LRP1B: variants seen among roughly 807,000 people sequenced by gnomAD.
LRP1B encodes the protein low-density lipoprotein receptor-related protein 1B.
In LRP1B, 217 loss-of-function variants were observed where a neutral mutation model predicts 556.6. The observed-to-expected ratio is 0.39, with a 90% CI of 0.35 to 0.44. LRP1B has a LOEUF of 0.44. Among genes scored for constraint, LRP1B ranks in the 20% least tolerant of loss-of-function variants. The pLI, the probability that LRP1B is intolerant of heterozygous loss-of-function variation, is 1.00. For synonymous variants in LRP1B, 2,047 were observed against 1,865.8 expected, an observed-to-expected ratio of 1.10 and a Z score of -2.50; for missense variants, 5,053 against 5,620.8, an observed-to-expected ratio of 0.90 and a Z score of 3.23.
chr2:141,526,246 TTAG>T (rs1483632371), intron 2 of LRP1B, among the ~76,000 whole-genome samples: 1 of 152,064 alleles, frequency 6.6e-6, no homozygotes, highest in African/African-American at 2.4e-5. Flanking sequence ...ATGTTTCTCT[TTAG>T]TAGCACATAA....
At chr2:141,131,698 A>G (rs577420720) in intron 7 of LRP1B, among the ~76,000 whole-genome samples, 264 of 152,044 alleles carry the variant, frequency 1.7e-3, no homozygotes, top group Middle Eastern at 3.4e-3. Context: ...AGATTTACAT[A>G]TATGTCTCCT....
intron 35 of LRP1B, among the ~76,000 whole-genome samples, chr2:140,749,186 G>A (rs748692476): frequency 6.6e-6 from 1 of 152,006 alleles, no homozygotes; most frequent in Non-Finnish European, 1.5e-5. Flanking sequence ...CACAAAAGAA[G>A]CTAGTTGTGG....
chr2:141,975,602 A>G (rs1701864523), intron 1 of LRP1B, among the ~76,000 whole-genome samples: 1 of 152,128 alleles, frequency 6.6e-6, no homozygotes, highest in Admixed American at 6.6e-5. Flanking sequence ...TAACATAGTT[A>G]GTTGACCCAT....
At chr2:142,126,895 C>T (rs890447960) in intron 1 of LRP1B, among the ~76,000 whole-genome samples, 10 of 151,640 alleles carry the variant, frequency 6.6e-5, no homozygotes, top group African/African-American at 2.4e-4. Context: ...TTATGGTATC[C>T]CCTGGGCTGA....
chr2:141,292,293 T>C (rs572050786), intron 3 of LRP1B, among the ~76,000 whole-genome samples: 1 of 152,266 alleles, frequency 6.6e-6, no homozygotes, highest in Admixed American at 6.5e-5. Flanking sequence ...GTACCAAAAA[T>C]GTTGGGGACC....
At chr2:141,776,961 G>T (rs1444270041) in intron 2 of LRP1B, among the ~76,000 whole-genome samples, 1 of 152,114 alleles carries the variant, frequency 6.6e-6, no homozygotes, top group African/African-American at 2.4e-5. Context: ...TAACTACATT[G>T]TTTTTGCATG....
intron 49 of LRP1B, among the ~76,000 whole-genome samples, chr2:140,522,848 C>T (rs1690243461): frequency 2.0e-5 from 3 of 151,732 alleles, no homozygotes; most frequent in Non-Finnish European, 4.4e-5. Context: ...GTAAGGAAGA[C>T]ATTGAAAACA....
intron 89 of LRP1B, among the ~76,000 whole-genome samples, chr2:140,236,371 AAAAT>A (rs568923292): frequency 3.2e-4 from 49 of 151,116 alleles, no homozygotes; most frequent in African/African-American, 1.1e-3. Context: ...GTAAGTCAGA[AAAAT>A]AAATAACTAT....
chr2:140,377,038 T>C (rs1683263847), intron 68 of LRP1B, among the ~76,000 whole-genome samples: 1 of 152,102 alleles, frequency 6.6e-6, no homozygotes, highest in African/African-American at 2.4e-5. Context: ...TAGGGAATCA[T>C]TGCAATACAG....
chr2:140,714,042 C>G (rs1380069465), intron 37 of LRP1B, among the ~76,000 whole-genome samples: 1 of 152,052 alleles, frequency 6.6e-6, no homozygotes, highest in Non-Finnish European at 1.5e-5. Flanking sequence ...TTTTATTGTG[C>G]CTGAAAATAA....
At chr2:140,334,058 A>G (rs1680951611) in intron 79 of LRP1B, among the ~76,000 whole-genome samples, 1 of 151,976 alleles carries the variant, frequency 6.6e-6, no homozygotes, top group Non-Finnish European at 1.5e-5. Flanking sequence ...TACATAAGGT[A>G]TTTATATTTA....
intron 3 of LRP1B, among the ~76,000 whole-genome samples, chr2:141,285,656 A>G (rs1685687434): frequency 6.8e-6 from 1 of 145,994 alleles, no homozygotes; most frequent in Non-Finnish European, 1.5e-5. Context: ...GGGATTCACC[A>G]TGATGGCCAG....
chr2:142,069,628 G>GT (rs1705238482), intron 1 of LRP1B, among the ~76,000 whole-genome samples: 1 of 151,568 alleles, frequency 6.6e-6, no homozygotes, highest in Non-Finnish European at 1.5e-5. Context: ...GTTAATATAT[G>GT]TCTCCATTAA....
intron 23 of LRP1B, among the ~76,000 whole-genome samples, chr2:140,892,367 A>G (rs1693823034): frequency 6.6e-6 from 1 of 152,138 alleles, no homozygotes; most frequent in Non-Finnish European, 1.5e-5. Context: ...GATTTCTACA[A>G]ATTAATAAGA....
At chr2:141,080,625 G>A (rs1246850946) in intron 7 of LRP1B, among the ~76,000 whole-genome samples, 1 of 152,122 alleles carries the variant, frequency 6.6e-6, no homozygotes, top group Non-Finnish European at 1.5e-5. Flanking sequence ...GTTAGGCACT[G>A]TACATGTCAG....
chr2:141,562,379 G>A (rs1686187470), intron 2 of LRP1B, among the ~76,000 whole-genome samples: 1 of 151,906 alleles, frequency 6.6e-6, no homozygotes, highest in African/African-American at 2.4e-5. Context: ...CTAAAACTCA[G>A]AGAGGCAATG....
At chr2:140,435,604 T>C (rs1202048329) in intron 66 of LRP1B, among the ~76,000 whole-genome samples, 1 of 152,090 alleles carries the variant, frequency 6.6e-6, no homozygotes, top group Non-Finnish European at 1.5e-5. Context: ...ACTCATTGTG[T>C]AGGCTCCTTT....
intron 1 of LRP1B, among the ~76,000 whole-genome samples, chr2:141,828,618 T>A (rs1175592308): frequency 6.6e-6 from 1 of 152,228 alleles, no homozygotes; most frequent in East Asian, 1.9e-4. Context: ...TAAGTGGGTT[T>A]TTCATAAGTT....
chr2:142,001,990 T>C (rs994976638), intron 1 of LRP1B, among the ~76,000 whole-genome samples: 1 of 152,154 alleles, frequency 6.6e-6, no homozygotes, highest in Non-Finnish European at 1.5e-5. Context: ...CCCAACTGTG[T>C]CTGCCAAAAG....
Sources: allele counts gnomAD v4.1 joint callset (sites outside exome capture counted in the v4.1 genomes callset), GRCh38; gene constraint gnomAD v4.1.1; transcripts MANE v1.5; gene names NCBI Gene and HGNC (gene_info 2026-07-23, HGNC 2026-07-21).